The following NALCN variants were observed in gnomAD, a reference collection of about 807,000 sequenced individuals.
The protein encoded by NALCN is sodium leak channel, non-selective, also known as sodium leak channel NALCN.
A neutral mutation model predicts 225.3 loss-of-function variants in NALCN; 111 were observed. The observed-to-expected ratio is 0.49, with a 90% confidence interval of 0.42 to 0.58. The LOEUF is 0.58. Among genes scored for constraint, NALCN ranks in the 20% least tolerant of loss-of-function variants. NALCN has a pLI of 0.00. For missense variants in NALCN, 1,378 were observed against 2,202.4 expected (o/e 0.63, Z 7.49); for synonymous variants, 764 against 769.0 (o/e 0.99, Z 0.11).
rs559050152 is a variant in NALCN, at chr13:101,365,256, A to T, written c.644+11444T>A. Among the ~76,000 whole-genome samples the T allele has an allele frequency of 1.8e-3, 279 of 151,942 alleles. 1 individual carries two copies. The highest frequency in any genetic ancestry group is 4.0e-3 in the Admixed American group (61 of 15,240). On this transcript the variant is annotated intron_variant, in intron 6 of 43. Coordinates refer to ENST00000251127, the MANE Select transcript of NALCN (RefSeq NM_052867.4). ...TGTTGCCTTCTTTGTGTCTGTATGT[A>T]CTCAGTGTTTAGCTCTCATTCATAA...
chr13:101,336,656 A>G (rs1210714696), intron 7 of NALCN, among the ~76,000 whole-genome samples: 1 of 152,152 alleles, frequency 6.6e-6, no homozygotes, highest in Non-Finnish European at 1.5e-5. Flanking sequence ...AAGCTTTATA[A>G]TTTTTTCGTA....
At chr13:101,111,760 A>G (rs2035452106) in intron 18 of NALCN, among the ~76,000 whole-genome samples, 1 of 152,188 alleles carries the variant, frequency 6.6e-6, no homozygotes, top group Admixed American at 6.6e-5. Context: ...CTGCTGCCAT[A>G]TAAGACGTGC....
chr13:101,379,161 A>T (rs2046776762), intron 3 of NALCN, among the ~76,000 whole-genome samples: 1 of 152,230 alleles, frequency 6.6e-6, no homozygotes, highest in Non-Finnish European at 1.5e-5. Context: ...TCAAAACCAC[A>T]ATGAGATACC....
chr13:101,092,527 G>T (rs1403913626), intron 28 of NALCN, among the ~76,000 whole-genome samples: 1 of 152,120 alleles, frequency 6.6e-6, no homozygotes, highest in Non-Finnish European at 1.5e-5. Flanking sequence ...CTCTGACCCT[G>T]CCCCCTTCAC....
intron 10 of NALCN, among the ~76,000 whole-genome samples, chr13:101,274,059 C>G (rs1489985102): frequency 6.6e-6 from 1 of 152,068 alleles, no homozygotes; most frequent in Non-Finnish European, 1.5e-5. Context: ...AGACAACGAG[C>G]ACCCTTACAC....
chr13:101,063,882 G>T (rs990293829), intron 40 of NALCN, among the ~76,000 whole-genome samples: 1 of 151,992 alleles, frequency 6.6e-6, no homozygotes, highest in Non-Finnish European at 1.5e-5. Context: ...TTTTTCTGTG[G>T]CATGGACCCC....
At chr13:101,317,961 G>A (rs2044612868) in intron 7 of NALCN, among the ~76,000 whole-genome samples, 2 of 152,116 alleles carry the variant, frequency 1.3e-5, no homozygotes, top group Non-Finnish European at 2.9e-5. Context: ...TGATAATAGA[G>A]GAGGGAGATC....
intron 17 of NALCN, among the ~76,000 whole-genome samples, chr13:101,133,159 G>A (rs749680348): frequency 6.6e-6 from 1 of 152,074 alleles, no homozygotes; most frequent in Non-Finnish European, 1.5e-5. Context: ...TTTAGGATGC[G>A]GCAATGCTTA....
At chr13:101,193,914 C>A (rs1342535164) in intron 13 of NALCN, among the ~76,000 whole-genome samples, 1 of 152,020 alleles carries the variant, frequency 6.6e-6, no homozygotes, top group Non-Finnish European at 1.5e-5. Flanking sequence ...ATGTACATAT[C>A]CTGGAGATTC....
intron 6 of NALCN, among the ~76,000 whole-genome samples, chr13:101,362,100 T>G (rs1293290933): frequency 6.6e-6 from 1 of 151,984 alleles, no homozygotes; most frequent in Non-Finnish European, 1.5e-5. Context: ...TTAAAAGAGA[T>G]ATATAGATAG....
Position 101,082,851 on chromosome 13 carries a change from C to A in NALCN, c.3723G>T (p.Leu1241Phe). 6.2e-7 allele frequency: 1 copy of A among 1,614,126 alleles called. No individual in the cohort carries two copies. Among genetic ancestry groups the A allele is most frequent in the African/African-American group, 1.3e-5 (1 of 75,042 alleles). ...WDVEDPVTVP[L>F]ATMSVVFTFI... ...AGGTGAAAACAACTGACATTGTTGC[C>A]AAAGGTACGGTCACCGGGTCCTCGA... Residue 1241 changes from leucine (L) to phenylalanine (F), a missense_variant, in exon 33 of 44, where the codon TTG becomes TTT. Coordinates refer to ENST00000251127, the MANE Select transcript of NALCN (RefSeq NM_052867.4).
intron 7 of NALCN, among the ~76,000 whole-genome samples, chr13:101,337,331 CAG>C (rs1485581256): frequency 6.8e-6 from 1 of 146,328 alleles, no homozygotes; most frequent in African/African-American, 2.6e-5. Context: ...TTTTTTGAGA[CAG>C]AGTCTTGCTC....
At chr13:101,219,783 G>C (rs1020458144) in intron 13 of NALCN, among the ~76,000 whole-genome samples, 1 of 152,108 alleles carries the variant, frequency 6.6e-6, no homozygotes, top group African/African-American at 2.4e-5. Context: ...TGCTTGGCTA[G>C]AAGTGACCTA....
At chr13:101,403,293 C>T (rs547377662) in intron 1 of NALCN, among the ~76,000 whole-genome samples, 2 of 152,304 alleles carry the variant, frequency 1.3e-5, no homozygotes, top group African/African-American at 4.8e-5. Flanking sequence ...CTTATGTTTC[C>T]AGGACCCTGA....
intron 14 of NALCN, among the ~76,000 whole-genome samples, chr13:101,181,650 G>C (rs1357295865): frequency 6.6e-6 from 1 of 152,020 alleles, no homozygotes; most frequent in Non-Finnish European, 1.5e-5. Flanking sequence ...GCTGAGGTGG[G>C]AGGATTTCTT....
At chr13:101,397,075 T>TAC (rs2047319337) in intron 2 of NALCN, among the ~76,000 whole-genome samples, 3 of 52,278 alleles carry the variant, frequency 5.7e-5, no homozygotes, top group African/African-American at 3.9e-4. Flanking sequence ...ATTATATATA[T>TAC]ATATATATAT....
chr13:101,100,697 G>T, intron 27 of NALCN, 87 bp downstream of exon 27: 2 of 1,092,756 alleles, frequency 1.8e-6, no homozygotes, highest in African/African-American at 1.6e-5. Flanking sequence ...TTCCCTCCTT[G>T]GCATTCCAAA....
At position 101,342,147 on chromosome 13, in the gene NALCN, T is replaced by G. The variant is rs114716816; in HGVS notation, c.799+3119A>C. Among the ~76,000 whole-genome samples, 669 of 152,198 alleles carry G rather than the reference T, an allele frequency of 4.4e-3. 5 individuals are homozygous for G. The highest frequency in any genetic ancestry group is 0.02 in the Middle Eastern group (6 of 294). ...ATTGAAGGTTTTTATAATACAGGTG[T>G]GTGTGTGTCTATGTGTGTATTTCTT... On this transcript the variant is annotated intron_variant, in intron 7 of 43. Transcript: ENST00000251127.
intron 1 of NALCN, among the ~76,000 whole-genome samples, chr13:101,415,821 C>T (rs2047927911): frequency 1.3e-5 from 2 of 152,008 alleles, no homozygotes; most frequent in South Asian, 4.1e-4. Flanking sequence ...CACCTCCCCA[C>T]CCGCGCGTTG....
Sources: gnomAD v4.1 joint callset for allele counts (sites outside exome capture counted in the v4.1 genomes callset) on GRCh38, gnomAD v4.1.1 for gene constraint, MANE v1.5 for transcripts, NCBI Gene and HGNC (gene_info 2026-07-23, HGNC 2026-07-21) for gene names.